Variants in KLF7 observed in about 807,000 individuals in gnomAD.
KLF7 encodes KLF transcription factor 7.
A neutral mutation model predicts 27.3 loss-of-function variants in KLF7; 2 were observed. That is an observed-to-expected ratio of 0.07 (90% CI 0.03 to 0.23). KLF7 has a LOEUF of 0.23. Among genes scored for constraint, KLF7 ranks in the 10% least tolerant of loss-of-function variants. KLF7 has a pLI of 1.00. For synonymous variants in KLF7, 165 were observed against 162.4 expected (o/e 1.02, Z -0.12); for missense variants, 221 against 394.1 (o/e 0.56, Z 3.72).
intron 2 of KLF7, among the ~76,000 whole-genome samples, chr2:207,116,417 G>A (rs1013362457): frequency 3.3e-5 from 5 of 151,938 alleles, no homozygotes; most frequent in Non-Finnish European, 7.4e-5. Context: ...AAATTAACAC[G>A]TGAGTTTCTT....
At chr2:207,154,165 G>A (rs767211791) in intron 1 of KLF7, among the ~76,000 whole-genome samples, 3 of 152,080 alleles carry the variant, frequency 2.0e-5, no homozygotes, top group South Asian at 2.1e-4. Context: ...ATAAAAATCC[G>A]ATCTGAGATA....
chr2:207,123,320 T>A (rs759466293), intron 2 of KLF7, among the ~76,000 whole-genome samples: 1 of 152,228 alleles, frequency 6.6e-6, no homozygotes, highest in Non-Finnish European at 1.5e-5. Flanking sequence ...TTGGTGACTT[T>A]GATGAAAAAT....
At chr2:207,127,970 T>C (rs1366695168) in intron 1 of KLF7, among the ~76,000 whole-genome samples, 2 of 152,186 alleles carry the variant, frequency 1.3e-5, no homozygotes, top group Non-Finnish European at 2.9e-5. Flanking sequence ...TATACATACA[T>C]ATATTTCCTA....
intron 2 of KLF7, among the ~76,000 whole-genome samples, chr2:207,100,543 C>T (rs2076741776): frequency 6.6e-6 from 1 of 152,086 alleles, no homozygotes; most frequent in East Asian, 1.9e-4. Context: ...TACCTTATCA[C>T]CCATCACTTC....
chr2:207,124,070 C>T lies in KLF7; in HGVS notation c.437G>A (p.Arg146His), dbSNP rs747043061. 1.2e-5 allele frequency: 20 copies of T among 1,614,134 alleles called. No homozygotes were observed. Among genetic ancestry groups the T allele is most frequent in the Admixed American group, 1.7e-5 (1 of 60,012 alleles). Residue 146 changes from arginine to histidine, a missense_variant, in exon 2 of 4, where the codon CGC becomes CAC. Physicochemically the swap from Arg to His is conservative, Grantham distance 29 (BLOSUM62 0). Coordinates refer to ENST00000309446, the MANE Select transcript of KLF7 (RefSeq NM_003709.4). ...LTPPSSPELSRHLVKTSQTLS... is the reference protein window; with the variant it reads ...LTPPSSPELSHHLVKTSQTLS... ...AGTTTGTGAGGTTTTGACCAGATGG[C>T]GGCTGAGCTCAGGGGACGATGGGGG...
chr2:207,106,007 T>G (rs1427059137), intron 2 of KLF7, among the ~76,000 whole-genome samples: 1 of 152,228 alleles, frequency 6.6e-6, no homozygotes, highest in Non-Finnish European at 1.5e-5. Flanking sequence ...ATTTACATGT[T>G]GAAATGAGAA....
intron 1 of KLF7, among the ~76,000 whole-genome samples, chr2:207,128,982 A>G (rs1031644128): frequency 6.6e-6 from 1 of 152,234 alleles, no homozygotes; most frequent in African/African-American, 2.4e-5. Context: ...TAATGGTATT[A>G]TATCAATGAT....
In KLF7 at chr2:207,079,788, T is replaced by G. The variant is rs1390940463; in HGVS notation, c.*1425A>C. On this transcript the variant is annotated 3_prime_UTR_variant, in exon 4 of 4. Coordinates refer to ENST00000309446, the MANE Select transcript of KLF7 (RefSeq NM_003709.4). ...AAAGAAAGAAACGTGTCTCTCCTTT[T>G]AGACAGCCCATGAGAGAAACACCTC... The G allele has an allele frequency of 6.6e-6, 1 of 152,162 alleles. No individual in the cohort carries two copies. Among genetic ancestry groups the G allele is most frequent in the Non-Finnish European group, 1.5e-5 (1 of 68,038 alleles). The allele number at this position is 152,162 out of a possible 1,614,324, so 9.4% of individuals were successfully genotyped here. A position where few individuals can be genotyped will look rare whatever the true frequency, so the allele number is the denominator to read the frequency against.
intron 2 of KLF7, among the ~76,000 whole-genome samples, chr2:207,117,013 C>T (rs901470322): frequency 5.3e-4 from 81 of 152,128 alleles, no homozygotes; most frequent in Middle Eastern, 3.4e-3. Flanking sequence ...AGTGGGTGTT[C>T]GAAAATATTG....
chr2:207,126,116 A>T (rs1361222382), intron 1 of KLF7, among the ~76,000 whole-genome samples: 3 of 152,160 alleles, frequency 2.0e-5, no homozygotes, highest in African/African-American at 7.2e-5. Context: ...CAGTATGATG[A>T]CCTTCTCAGG....
intron 2 of KLF7, among the ~76,000 whole-genome samples, chr2:207,115,339 A>G (rs564192199): frequency 6.6e-6 from 1 of 152,316 alleles, no homozygotes; most frequent in African/African-American, 2.4e-5. Flanking sequence ...CTCCATAAAC[A>G]TACATGTTGA....
At chr2:207,100,487 A>G (rs1484345267) in intron 2 of KLF7, among the ~76,000 whole-genome samples, 4 of 152,164 alleles carry the variant, frequency 2.6e-5, no homozygotes, top group African/African-American at 9.7e-5. Flanking sequence ...ACCACTGCCT[A>G]TGTACTCAGG....
At chr2:207,082,462 T>TG (rs1415184588) in intron 3 of KLF7, among the ~76,000 whole-genome samples, 1 of 152,192 alleles carries the variant, frequency 6.6e-6, no homozygotes, top group Non-Finnish European at 1.5e-5. Flanking sequence ...AAGACAAATC[T>TG]AATTCTGTTC....
chr2:207,088,939 G>T (rs1317639584), intron 2 of KLF7, among the ~76,000 whole-genome samples: 1 of 152,120 alleles, frequency 6.6e-6, no homozygotes, highest in African/African-American at 2.4e-5. Context: ...AGGCAGAAAG[G>T]AAATGTGCTA....
intron 1 of KLF7, among the ~76,000 whole-genome samples, chr2:207,149,909 A>G (rs1305699803): frequency 6.6e-6 from 1 of 152,220 alleles, no homozygotes; most frequent in East Asian, 1.9e-4. Context: ...ACGTAGACAT[A>G]TAGGTAAGTC....
intron 1 of KLF7, 67 bp from the exon 2 acceptor site, chr2:207,124,471 T>C: frequency 6.9e-7 from 1 of 1,449,312 alleles, no homozygotes; most frequent in Non-Finnish European, 9.3e-7. Flanking sequence ...GGCCACACGT[T>C]GACAGGCAGA....
chr2:207,172,169 C>CATG (rs2078791983), upstream of KLF7, among the ~76,000 whole-genome samples: 1 of 152,132 alleles, frequency 6.6e-6, no homozygotes, highest in Admixed American at 6.5e-5. Context: ...TTCTCTCCCT[C>CATG]AAAGCAAGCC....
At chr2:207,165,283 G>A (rs538715008) in intron 1 of KLF7, among the ~76,000 whole-genome samples, 184 bp downstream of exon 1, 1 of 152,278 alleles carries the variant, frequency 6.6e-6, no homozygotes, top group Admixed American at 6.5e-5. Context: ...TACGAGGTTA[G>A]GGGTGGGTGG....
chr2:207,128,248 C>T (rs1422492054), intron 1 of KLF7, among the ~76,000 whole-genome samples: 3 of 152,016 alleles, frequency 2.0e-5, no homozygotes, highest in Non-Finnish European at 2.9e-5. Context: ...TGTCAATGGC[C>T]AAATGAATAA....
Sources: allele counts gnomAD v4.1 joint callset (sites outside exome capture counted in the v4.1 genomes callset), GRCh38; gene constraint gnomAD v4.1.1; transcripts MANE v1.5; gene names NCBI Gene and HGNC (gene_info 2026-07-23, HGNC 2026-07-21).